The following CGNL1 variants were observed in gnomAD, a reference collection of about 807,000 sequenced individuals.
CGNL1 encodes the protein cingulin-like protein 1.
In CGNL1, 132 loss-of-function variants were observed where a neutral mutation model predicts 141.2. The observed-to-expected ratio is 0.93, with a 90% CI of 0.81 to 1.08. The LOEUF is 1.08. Among genes scored for constraint, CGNL1 ranks in the 50% least tolerant of loss-of-function variants. The pLI, the probability that CGNL1 is intolerant of heterozygous loss-of-function variation, is 0.00. For missense variants in CGNL1, 1,870 were observed against 1,588.6 expected (o/e 1.18, Z -3.01); for synonymous variants, 690 against 622.1 (o/e 1.11, Z -1.63).
chr15:57,513,608 C>T (rs1457176562), intron 8 of CGNL1, among the ~76,000 whole-genome samples: 1 of 152,042 alleles, frequency 6.6e-6, no homozygotes, highest in African/African-American at 2.4e-5. Flanking sequence ...GCAACCTCTG[C>T]CTCCTGGGTT....
chr15:57,499,421 A>G (rs2063990938), intron 8 of CGNL1, among the ~76,000 whole-genome samples: 1 of 151,898 alleles, frequency 6.6e-6, no homozygotes, highest in African/African-American at 2.4e-5. Context: ...TATTTTTAGT[A>G]GAGGCGGGGT....
At chr15:57,492,054 A>C (rs183395322) in intron 8 of CGNL1, among the ~76,000 whole-genome samples, 2 of 152,310 alleles carry the variant, frequency 1.3e-5, no homozygotes, top group African/African-American at 4.8e-5. Flanking sequence ...AAACTAAGGA[A>C]AGCTCACTTC....
intron 12 of CGNL1, among the ~76,000 whole-genome samples, chr15:57,526,180 C>CA (rs112871468): frequency 0.35 from 49,074 of 141,586 alleles, 9,059 homozygotes; most frequent in East Asian, 0.51. Flanking sequence ...CCTTCCAAAA[C>CA]AAAAAAAAAA....
In CGNL1 at chr15:57,403,160, G is replaced by A. The variant is rs143631800; in HGVS notation, c.-16+26593G>A. On this transcript the variant is annotated intron_variant, in intron 1 of 18. Transcript: ENST00000281282. ...GCCTTGATTGCCAGCTATTGACGAA[G>A]GGGTCTGTCTGCTCAGTGGCAACCT... 1.3e-3 allele frequency among the ~76,000 whole-genome samples: 196 copies of A among 152,244 alleles called. No homozygotes were observed. The Middle Eastern group carries it at 0.024, about 18-fold the overall frequency.
chr15:57,397,356 G>A (rs1039739111), intron 1 of CGNL1, among the ~76,000 whole-genome samples: 35 of 152,172 alleles, frequency 2.3e-4, no homozygotes, highest in African/African-American at 8.4e-4. Context: ...CCTTTGTGGA[G>A]GCTGCCTCCA....
At chr15:57,395,046 G>A (rs1299567829) in intron 1 of CGNL1, among the ~76,000 whole-genome samples, 1 of 152,234 alleles carries the variant, frequency 6.6e-6, no homozygotes, top group East Asian at 1.9e-4. Flanking sequence ...GGGAGGCGGA[G>A]GTTGCGGTGA....
chr15:57,526,719 T>G (rs547433084), intron 12 of CGNL1, among the ~76,000 whole-genome samples: 1 of 152,256 alleles, frequency 6.6e-6, no homozygotes, highest in East Asian at 1.9e-4. Flanking sequence ...TTGCTTATGA[T>G]TCAGGATACA....
intron 1 of CGNL1, among the ~76,000 whole-genome samples, chr15:57,411,873 T>C (rs1318857463): frequency 6.6e-6 from 1 of 152,184 alleles, no homozygotes; most frequent in Admixed American, 6.5e-5. Context: ...GCCTTGGTGC[T>C]GTCTTCCACC....
intron 8 of CGNL1, among the ~76,000 whole-genome samples, chr15:57,510,310 A>G (rs2030165085): frequency 6.6e-6 from 1 of 152,236 alleles, no homozygotes; most frequent in African/African-American, 2.4e-5. Flanking sequence ...TCAGATAGGA[A>G]ACTAAGGCTC....
At position 57,498,103 on chromosome 15, in the gene CGNL1, C is replaced by G. The variant is rs186030341; in HGVS notation, c.2404-18677C>G. Among the ~76,000 whole-genome samples the G allele has an allele frequency of 1.4e-3, 212 of 152,264 alleles. 2 individuals are homozygous for G. Among genetic ancestry groups the G allele is most frequent in the African/African-American group, 4.8e-3 (200 of 41,540 alleles). ...GGCACCAAGCACTCTGCAGCTTTAC[C>G]CGTCTCACCCAAATAGAGTTAAGGC... On this transcript the variant is annotated intron_variant, in intron 8 of 18. Coordinates refer to ENST00000281282, the MANE Select transcript of CGNL1 (RefSeq NM_032866.5).
chr15:57,409,696 C>T (rs1325606991), intron 1 of CGNL1, among the ~76,000 whole-genome samples: 10 of 152,074 alleles, frequency 6.6e-5, no homozygotes, highest in Admixed American at 6.5e-4. Context: ...TGCCATGTTC[C>T]ATGTAAGTCA....
intron 8 of CGNL1, among the ~76,000 whole-genome samples, chr15:57,497,799 A>T (rs1184258041): frequency 6.6e-6 from 1 of 152,220 alleles, no homozygotes; most frequent in Non-Finnish European, 1.5e-5. Flanking sequence ...CCATGCACAC[A>T]CGGGCGGCGG....
intron 12 of CGNL1, chr15:57,527,304 G>A (rs17820383): frequency 0.31 from 46,659 of 152,060 alleles, 8,371 homozygotes; most frequent in Non-Finnish European, 0.41. Flanking sequence ...CTTTTCCACG[G>A]GTTCTCCAAA....
At chr15:57,511,561 C>T (rs1018191020) in intron 8 of CGNL1, among the ~76,000 whole-genome samples, 3 of 152,178 alleles carry the variant, frequency 2.0e-5, no homozygotes, top group African/African-American at 7.2e-5. Context: ...CCAGGAGCCT[C>T]GTACCAGTTT....
At chr15:57,430,611 G>C (rs142426818) in intron 1 of CGNL1, among the ~76,000 whole-genome samples, 1 of 152,174 alleles carries the variant, frequency 6.6e-6, no homozygotes, top group Non-Finnish European at 1.5e-5. Flanking sequence ...ACAGGGAAAC[G>C]AGGCGGGTAG....
chr15:57,407,020 T>A (rs1407278634), intron 1 of CGNL1: 2 of 152,246 alleles, frequency 1.3e-5, no homozygotes, highest in African/African-American at 4.8e-5. Flanking sequence ...GAATTTTCCC[T>A]GTAATGGGGG....
intron 6 of CGNL1, among the ~76,000 whole-genome samples, chr15:57,453,224 T>C (rs1458165478): frequency 6.6e-6 from 1 of 152,144 alleles, no homozygotes; most frequent in South Asian, 2.1e-4. Context: ...TGAATGAGCA[T>C]GACCATGTTC....
At chr15:57,532,521 G>A (rs74016263) in intron 14 of CGNL1, among the ~76,000 whole-genome samples, 8,536 of 152,180 alleles carry the variant, frequency 0.056, 413 homozygotes, top group African/African-American at 0.14. Flanking sequence ...TCTGCACTTC[G>A]CTTGAGAAAT....
intron 14 of CGNL1, among the ~76,000 whole-genome samples, chr15:57,537,563 T>C (rs573913086): frequency 6.6e-6 from 1 of 152,346 alleles, no homozygotes; most frequent in East Asian, 1.9e-4. Context: ...TTATTATTTT[T>C]AATGCCAGCC....
Sources: gnomAD v4.1 joint callset for allele counts (sites outside exome capture counted in the v4.1 genomes callset) on GRCh38, gnomAD v4.1.1 for gene constraint, MANE v1.5 for transcripts, NCBI Gene and HGNC (gene_info 2026-07-23, HGNC 2026-07-21) for gene names.